The following NOMO3 variants were observed in gnomAD, a reference collection of about 807,000 sequenced individuals.
NOMO3 encodes the protein NODAL modulator 3, also known as BOS complex subunit NOMO3.
A neutral mutation model predicts 69.9 loss-of-function variants in NOMO3; 15 were observed. The observed-to-expected ratio is 0.21, with a 90% CI of 0.14 to 0.33. The LOEUF (loss-of-function observed/expected upper bound fraction) is 0.33, where lower values mean the gene tolerates loss of function less well. Among genes scored for constraint, NOMO3 ranks in the 10% least tolerant of loss-of-function variants. The pLI, the probability that NOMO3 is intolerant of heterozygous loss-of-function variation, is 1.00. For missense variants in NOMO3, 218 were observed against 761.0 expected, an observed-to-expected ratio of 0.29 and a Z score of 8.39; for synonymous variants, 89 against 301.9, an observed-to-expected ratio of 0.29 and a Z score of 7.31.
chr16:16,258,676 CA>C (rs1342896954), intron 11 of NOMO3, among the ~76,000 whole-genome samples: 6 of 142,890 alleles, frequency 4.2e-5, no homozygotes, highest in East Asian at 2.3e-4. Context: ...GCAGCCTGGC[CA>C]GCATGGTGAA....
At chr16:16,274,298 G>GATGA (rs1205538100) in intron 20 of NOMO3, among the ~76,000 whole-genome samples, 8 of 128,292 alleles carry the variant, frequency 6.2e-5, no homozygotes, top group South Asian at 5.4e-4. Flanking sequence ...TGGATGGATG[G>GATGA]ATGAATGAAT....
intron 17 of NOMO3, 75 bp downstream of exon 17, chr16:16,270,259 A>T: frequency 6.3e-7 from 1 of 1,582,274 alleles, no homozygotes; most frequent in Non-Finnish European, 8.5e-7. Flanking sequence ...TTCAGAGAAC[A>T]AAAGGAGTTT....
rs1451034112 is a variant in NOMO3, at chr16:16,261,342, T to A, written c.1221-160T>A. ...TTAAAACCAGAATGAAGGTTGCTTT[T>A]TAAAACCAGAATCATCTGGATTGCA... On this transcript the variant is annotated intron_variant, in intron 11 of 30. Coordinates refer to ENST00000399336, the MANE Select transcript of NOMO3 (RefSeq NM_001004067.4). 5 of 1,283,780 alleles carry A rather than the reference T, an allele frequency of 3.9e-6. 1 individual carries two copies. The African/African-American group carries it at 7.4e-5, about 19-fold the overall frequency. The allele number at this position is 1,283,780 out of a possible 1,614,324, so 79.5% of individuals were successfully genotyped here.
chr16:16,261,655 C>T lies in NOMO3; in HGVS notation c.1374C>T (p.Asn458=). ...ATGGATCATTTTGTTTTAAAGCAAA[C>T]CCAGGGACTTACAAAGTGCAGGTGC... ...DAHGSFCFKA[N]PGTYKVQVMV... is the part of the protein sequence containing the mutation. Residue 458 remains asparagine, a synonymous_variant, in exon 12 of 31, where the codon AAC becomes AAT. Coordinates refer to ENST00000399336, the MANE Select transcript of NOMO3 (RefSeq NM_001004067.4). 1.3e-6 allele frequency: 2 copies of T among 1,580,394 alleles called. No homozygotes were observed. Among genetic ancestry groups the T allele is most frequent in the South Asian group, 2.2e-5 (2 of 88,938 alleles).
At chr16:16,240,631 G>T (rs928784941) in intron 3 of NOMO3, among the ~76,000 whole-genome samples, 4 of 144,610 alleles carry the variant, frequency 2.8e-5, no homozygotes, top group African/African-American at 1.1e-4. Context: ...AGAAGAGAGG[G>T]TCTGTTTTGA....
intron 11 of NOMO3, among the ~76,000 whole-genome samples, chr16:16,258,611 A>G (rs2049535762): frequency 7.1e-6 from 1 of 141,708 alleles, no homozygotes. Context: ...CACGCCTATG[A>G]TCTCAGCACT....
At chr16:16,265,672 T>TATA (rs2049612073) in intron 15 of NOMO3, among the ~76,000 whole-genome samples, 3 of 27,640 alleles carry the variant, frequency 1.1e-4, no homozygotes, top group African/African-American at 2.7e-4. Context: ...ATATATATAT[T>TATA]TTTTTTTTTT....
chr16:16,234,232 C>T (rs556665576), intron 1 of NOMO3, among the ~76,000 whole-genome samples: 3 of 150,868 alleles, frequency 2.0e-5, no homozygotes, highest in Non-Finnish European at 4.4e-5. Flanking sequence ...TGGCTGTAGA[C>T]GGCACAGGGC....
chr16:16,257,643 G>A lies in NOMO3; in HGVS notation c.1220+1485G>A, dbSNP rs1171495784. 6.7e-5 allele frequency among the ~76,000 whole-genome samples: 9 copies of A among 134,756 alleles called. 2 individuals are homozygous for A. The highest frequency in any genetic ancestry group is 1.3e-4 in the African/African-American group (4 of 31,770). The allele number at this position is 134,756 out of a possible 152,430, so 88.4% of individuals were successfully genotyped here. A position where few individuals can be genotyped will look rare whatever the true frequency, so the allele number is the denominator to read the frequency against. On this transcript the variant is annotated intron_variant, in intron 11 of 30. Coordinates refer to ENST00000399336, the MANE Select transcript of NOMO3 (RefSeq NM_001004067.4). ...AAAAACAGAGTGCCAGGTGGCCCAG[G>A]GGGGGACCTAGGGAGCCTGAGGTCA... is the stretch of plus-strand genomic sequence containing the variant.
intron 20 of NOMO3, among the ~76,000 whole-genome samples, chr16:16,274,298 G>A (rs184832409): frequency 4.2e-3 from 538 of 127,406 alleles, no homozygotes; most frequent in East Asian, 0.011. Flanking sequence ...TGGATGGATG[G>A]ATGAATGAAT....
intron 11 of NOMO3, among the ~76,000 whole-genome samples, chr16:16,257,985 G>A (rs1237262019): frequency 7.1e-6 from 1 of 140,386 alleles, no homozygotes; most frequent in African/African-American, 3.0e-5. Context: ...CAGAGATGGG[G>A]CTTTCACCCT....
In NOMO3 at chr16:16,235,905, C is replaced by G. The variant is rs1307072527; in HGVS notation, c.166-996C>G. ...CACATGAAAAGGAGTGGCTCTATGT[C>G]TGCACCTGAAGAAACCGAACACGAG... On this transcript the variant is annotated intron_variant, in intron 1 of 30. Transcript: ENST00000399336. 4.6e-6 allele frequency: 2 copies of G among 436,320 alleles called. 1 individual carries two copies. The highest frequency in any genetic ancestry group is 4.6e-5 in the African/African-American group (2 of 43,736). The allele number at this position is 436,320 out of a possible 1,614,324, so 27.0% of individuals were successfully genotyped here.
In NOMO3 at chr16:16,265,670, A is replaced by AT. The variant is rs59243746; in HGVS notation, c.1806+519dup. 5.4e-3 allele frequency among the ~76,000 whole-genome samples: 91 copies of AT among 16,698 alleles called. 4 individuals carry two copies. Among genetic ancestry groups the AT allele is most frequent in the Non-Finnish European group, 6.4e-3 (69 of 10,788 alleles). 11.0% of individuals were successfully genotyped at this position (16,698 alleles called of 152,430 possible). On this transcript the variant is annotated intron_variant, in intron 15 of 30. Coordinates refer to ENST00000399336, the MANE Select transcript of NOMO3 (RefSeq NM_001004067.4). ...TATATATATATATATATATATATAT[A>AT]TTTTTTTTTTTTTTTTTTTTTTTTT...
At chr16:16,235,811 A>G in intron 1 of NOMO3, 1 of 440,100 alleles carries the variant, frequency 2.3e-6, no homozygotes, top group South Asian at 1.6e-5. Context: ...CCTGGCCGCA[A>G]ACTGATTTTT....
rs1327564717 is a variant in NOMO3 at position 16,268,194 on chromosome 16, AC to A, written c.1894+1064del. 1.4e-5 allele frequency among the ~76,000 whole-genome samples: 2 copies of A among 144,042 alleles called. 1 individual carries two copies. Among genetic ancestry groups the A allele is most frequent in the African/African-American group, 5.7e-5 (2 of 35,180 alleles). The allele number at this position is 144,042 out of a possible 152,430, so 94.5% of individuals were successfully genotyped here. A position where few individuals can be genotyped will look rare whatever the true frequency, so the allele number is the denominator to read the frequency against. ...GTTTGACGCTGTTATGACTAATGTT[AC>A]GGACATTCTTATACAAGTCTTTGTG... is the stretch of plus-strand genomic sequence containing the variant. On this transcript the variant is annotated intron_variant, in intron 16 of 30. Coordinates refer to ENST00000399336, the MANE Select transcript of NOMO3 (RefSeq NM_001004067.4).
rs199671451 is a variant in NOMO3, at chr16:16,236,901, A to G, written c.166A>G (p.Ile56Val). The G allele has an allele frequency of 2.4e-3, 3,687 of 1,508,004 alleles. 169 individuals are homozygous for G. The highest frequency in any genetic ancestry group is 2.9e-3 in the Non-Finnish European group (3,209 of 1,115,176). 93.4% of individuals were successfully genotyped at this position (1,508,004 alleles called of 1,614,324 possible). Reference protein sequence around the residue: ...DVEINYSLIEIKLYTKHGTLK... With the variant: ...DVEINYSLIEVKLYTKHGTLK... ...TCTGTTTTCCTTCCTTCCTTTCCAG[A>G]TAAAGCTGTACACCAAGCATGGGAC... Residue 56 changes from isoleucine (I) to valine (V), a missense_variant and splice_region_variant, in exon 2 of 31, where the codon ATA becomes GTA. Coordinates refer to ENST00000399336, the MANE Select transcript of NOMO3 (RefSeq NM_001004067.4).
chr16:16,238,203 C>T (rs1396467826), intron 2 of NOMO3, among the ~76,000 whole-genome samples: 1 of 135,216 alleles, frequency 7.4e-6, no homozygotes, highest in Non-Finnish European at 1.5e-5. Context: ...CTCTTGCATG[C>T]TTTCAACATT....
chr16:16,265,556 A>G (rs571578130), intron 15 of NOMO3, among the ~76,000 whole-genome samples: 32 of 124,830 alleles, frequency 2.6e-4, no homozygotes, highest in Non-Finnish European at 4.3e-4. Context: ...TCTCAGGGTT[A>G]TGGCAGGGCT....
chr16:16,243,528 A>T lies in NOMO3; in HGVS notation c.402+267A>T, dbSNP rs1382989613. 1.4e-5 allele frequency among the ~76,000 whole-genome samples: 2 copies of T among 142,504 alleles called. 1 individual carries two copies. The highest frequency in any genetic ancestry group is 5.7e-5 in the African/African-American group (2 of 34,786). The allele number at this position is 142,504 out of a possible 152,430, so 93.5% of individuals were successfully genotyped here. On this transcript the variant is annotated intron_variant, in intron 4 of 30. Coordinates refer to ENST00000399336, the MANE Select transcript of NOMO3 (RefSeq NM_001004067.4). ...TTTTATTTTTTTATTTTTTATTTTGAGACAGGGTCTTCCTCTATTGCCCAG... is the reference window on the plus strand; with the variant it reads ...TTTTATTTTTTTATTTTTTATTTTGTGACAGGGTCTTCCTCTATTGCCCAG...
Sources: allele counts gnomAD v4.1 joint callset (sites outside exome capture counted in the v4.1 genomes callset), GRCh38; gene constraint gnomAD v4.1.1; transcripts MANE v1.5; gene names NCBI Gene and HGNC (gene_info 2026-07-23, HGNC 2026-07-21).